Variants in PSME1 observed in about 807,000 individuals in gnomAD.
PSME1 encodes proteasome activator subunit 1.
A neutral mutation model predicts 38.4 loss-of-function variants in PSME1; 15 were observed. That is an observed-to-expected ratio of 0.39 (90% CI 0.26 to 0.60). The LOEUF (loss-of-function observed/expected upper bound fraction) is 0.60. PSME1 is among the 20% of genes least tolerant of loss of function. The pLI, the probability that PSME1 is intolerant of heterozygous loss-of-function variation, is 0.53. For synonymous variants in PSME1, 106 were observed against 106.8 expected (o/e 0.99, Z 0.05); for missense variants, 249 against 305.6 (o/e 0.81, Z 1.38).
chr14:24,136,913 A>C lies in PSME1; in HGVS notation c.40-72A>C, dbSNP rs1253827990. On this transcript the variant is annotated intron_variant, in intron 1 of 10. Transcript: ENST00000206451. The surrounding 1 kb of genome is among the most constrained non-coding windows in gnomAD (Gnocchi z 4.8). ...CCTTCCCCAGGTCAGGCCCTACATA[A>C]CCCTAAGGGAACTGTCCTCAAATGA... 10 of 1,590,534 alleles carry C rather than the reference A, an allele frequency of 6.3e-6. No individual in the cohort carries two copies. The highest frequency in any genetic ancestry group is 5.0e-5 in the Admixed American group (3 of 59,928).
chr14:24,138,348 T>C lies in PSME1; in HGVS notation c.531T>C (p.Tyr177=). The C allele has an allele frequency of 6.2e-7, 1 of 1,614,174 alleles. No homozygotes were observed. The highest frequency in any genetic ancestry group is 1.1e-5 in the South Asian group (1 of 91,082). ...ATACACACTTCTCCTTCCACAGGTA[T>C]TTCTCTGAGCGTGGTGATGCAGTGA... ...LEGFHTQISK[Y]FSERGDAVTK... The change falls in exon 9 of 11, where the codon TAT becomes TAC. Residue 177 remains tyrosine (Y), a synonymous_variant. Transcript: ENST00000206451.
rs775638988 is a variant in PSME1 at position 24,136,253 on chromosome 14, C to T, written c.-10C>T. 4 of 1,524,842 alleles carry T rather than the reference C, an allele frequency of 2.6e-6. No individual in the cohort carries two copies. The highest frequency in any genetic ancestry group is 2.1e-5 in the Admixed American group (1 of 48,088). The allele number at this position is 1,524,842 out of a possible 1,614,324, so 94.5% of individuals were successfully genotyped here. A position where few individuals can be genotyped will look rare whatever the true frequency, so the allele number is the denominator to read the frequency against. ...ACTCCTTGTGCGGCGCTAGGCCCCC[C>T]GTCCCGGTCATGGCCATGCTCAGGG... is the stretch of plus-strand genomic sequence containing the variant. On this transcript the variant is annotated 5_prime_UTR_variant, in exon 1 of 11. Transcript: ENST00000206451. The surrounding 1 kb of genome is among the most constrained non-coding windows in gnomAD (Gnocchi z 4.8).
intron 6 of PSME1, 80 bp from the exon 7 acceptor site, chr14:24,137,969 G>T: frequency 6.4e-7 from 1 of 1,558,982 alleles, no homozygotes; most frequent in Non-Finnish European, 8.8e-7. Flanking sequence ...CACCCAGTGT[G>T]GGGAGGGAAG....
In PSME1 at chr14:24,136,366, C is replaced by T. The variant is rs1252561283; in HGVS notation, c.39+65C>T. ...CGTGGCTGGAGCGGCCGGGGGCATC[C>T]CCGACCCGCCCCCCAGGCTCCCACG... On this transcript the variant is annotated intron_variant, in intron 1 of 10. Transcript: ENST00000206451. The surrounding 1 kb of genome is among the most constrained non-coding windows in gnomAD (Gnocchi z 4.8). 3 of 1,415,228 alleles carry T rather than the reference C, an allele frequency of 2.1e-6. No homozygotes were observed. The highest frequency in any genetic ancestry group is 2.8e-6 in the Non-Finnish European group (3 of 1,070,254). The allele number at this position is 1,415,228 out of a possible 1,614,324, so 87.7% of individuals were successfully genotyped here. A position where few individuals can be genotyped will look rare whatever the true frequency, so the allele number is the denominator to read the frequency against.
At chr14:24,138,001 G>C in intron 6 of PSME1, 48 bp from the exon 7 acceptor site, 1 of 1,601,906 alleles carries the variant, frequency 6.2e-7, no homozygotes, top group Non-Finnish European at 8.6e-7. Flanking sequence ...ATGAAACTGG[G>C]AATTGGGTAG....
chr14:24,136,295 A>G lies in PSME1; in HGVS notation c.33A>G (p.Gln11=). ...TGCTCAGGGTCCAGCCCGAGGCCCA[A>G]GCCAAGGTGAGCGCCGCGGGGTCTA... MAMLRVQPEA[Q]AKVDVFREDL... is the part of the protein sequence containing the mutation. The change falls in exon 1 of 11, where the codon CAA becomes CAG. Residue 11 remains glutamine (Q), a synonymous_variant. Transcript: ENST00000206451. This position sits in a 1 kb window ranked among gnomAD's most constrained non-coding sequence, Gnocchi z 4.8. 2.0e-6 allele frequency: 3 copies of G among 1,526,722 alleles called. No homozygotes were observed. Among genetic ancestry groups the G allele is most frequent in the Non-Finnish European group, 1.8e-6 (2 of 1,138,294 alleles). The allele number at this position is 1,526,722 out of a possible 1,614,324, so 94.6% of individuals were successfully genotyped here. A position where few individuals can be genotyped will look rare whatever the true frequency, so the allele number is the denominator to read the frequency against.
rs1457272963 is a variant in PSME1, at chr14:24,136,874, G to A, written c.40-111G>A. The A allele has an allele frequency of 1.6e-5, 21 of 1,342,658 alleles. No homozygotes were observed. Among genetic ancestry groups the A allele is most frequent in the Non-Finnish European group, 2.1e-5 (20 of 941,182 alleles). 83.2% of individuals were successfully genotyped at this position (1,342,658 alleles called of 1,614,324 possible). The stretch of plus-strand genomic sequence containing the variant: ...CGCTTTCTTCAGGTCTGGCCTTAGA[G>A]GGATCCCCTCCACCCTTCCCCAGGT... On this transcript the variant is annotated intron_variant, in intron 1 of 10. Coordinates refer to ENST00000206451, the MANE Select transcript of PSME1 (RefSeq NM_006263.4). This position sits in a 1 kb window ranked among gnomAD's most constrained non-coding sequence, Gnocchi z 4.8.
In PSME1 at chr14:24,136,232, C is replaced by T. The variant is rs1349195368; in HGVS notation, c.-31C>T. 3.3e-6 allele frequency: 5 copies of T among 1,518,016 alleles called. No homozygotes were observed. Among genetic ancestry groups the T allele is most frequent in the Admixed American group, 2.1e-5 (1 of 47,152 alleles). 94.0% of individuals were successfully genotyped at this position (1,518,016 alleles called of 1,614,324 possible). ...TCCCTTCGCGGTGCCCACTCCACTCCTTGTGCGGCGCTAGGCCCCCCGTCC... is the reference window on the plus strand; with the variant it reads ...TCCCTTCGCGGTGCCCACTCCACTCTTTGTGCGGCGCTAGGCCCCCCGTCC... On this transcript the variant is annotated 5_prime_UTR_variant, in exon 1 of 11. Transcript: ENST00000206451. This position sits in a 1 kb window ranked among gnomAD's most constrained non-coding sequence, Gnocchi z 4.8.
Position 24,138,887 on chromosome 14 carries a change from T to C in PSME1, c.*71T>C. 1 of 1,592,348 alleles carries C rather than the reference T, an allele frequency of 6.3e-7. No homozygotes were observed. The highest frequency in any genetic ancestry group is 8.6e-7 in the Non-Finnish European group (1 of 1,166,592). On this transcript the variant is annotated 3_prime_UTR_variant, in exon 11 of 11. Coordinates refer to ENST00000206451, the MANE Select transcript of PSME1 (RefSeq NM_006263.4). ...GCTTTTTACTGGGGACTCCAGATTT[T>C]CCCCAAACTTGCTTCTGTTGAGATT...
At position 24,138,918 on chromosome 14, in the gene PSME1, C is replaced by T. The variant is rs1455154291; in HGVS notation, c.*102C>T. 1 of 1,590,576 alleles carries T rather than the reference C, an allele frequency of 6.3e-7. No individual in the cohort carries two copies. Among genetic ancestry groups the T allele is most frequent in the African/African-American group, 1.4e-5 (1 of 73,940 alleles). ...AACTTGCTTCTGTTGAGATTTTTCC[C>T]TCACCTTGCCTCTCAGGCACAATAA... On this transcript the variant is annotated 3_prime_UTR_variant, in exon 11 of 11. Transcript: ENST00000206451.
chr14:24,138,637 GGGGTTAAGGGT>G, intron 10 of PSME1, 77 bp downstream of exon 10: 1 of 1,613,320 alleles, frequency 6.2e-7, no homozygotes, highest in East Asian at 2.2e-5. Context: ...CTGCAGGCTA[GGGGTTAAGGGT>G]GACAAAGCTC....
chr14:24,137,802 G>A lies in PSME1; in HGVS notation c.390+5G>A. On this transcript the variant is annotated splice_donor_5th_base_variant and intron_variant, in intron 6 of 10. Coordinates refer to ENST00000206451, the MANE Select transcript of PSME1 (RefSeq NM_006263.4). ...GTCATTGAGCAGCTCAACCTGGTAA[G>A]CCCTCCCCCTTAAACTCTCAGGCTT... 6.2e-7 allele frequency: 1 copy of A among 1,613,304 alleles called. No individual in the cohort carries two copies. The highest frequency in any genetic ancestry group is 8.5e-7 in the Non-Finnish European group (1 of 1,179,218).
rs1426994126 is a variant in PSME1 at position 24,138,961 on chromosome 14, C to T, written c.*145C>T. The T allele has an allele frequency of 1.2e-6, 2 of 1,604,674 alleles. No homozygotes were observed. The highest frequency in any genetic ancestry group is 2.1e-4 in the Middle Eastern group (1 of 4,660). ...CACAATAAATATAGTTATACCACTGCCCATCAGCCCAAGTCTCTTTATTGG... is the reference window on the plus strand; with the variant it reads ...CACAATAAATATAGTTATACCACTGTCCATCAGCCCAAGTCTCTTTATTGG... On this transcript the variant is annotated 3_prime_UTR_variant, in exon 11 of 11. Transcript: ENST00000206451.
intron 2 of PSME1, 40 bp from the exon 3 acceptor site, chr14:24,137,103 T>C (rs958727924): frequency 6.2e-7 from 1 of 1,613,906 alleles, no homozygotes; most frequent in Non-Finnish European, 8.5e-7. Flanking sequence ...GGGCATTTGA[T>C]GCTGACTCCC....
chr14:24,137,889 G>C (rs1355984469), intron 6 of PSME1, 92 bp downstream of exon 6: 25 of 1,513,372 alleles, frequency 1.7e-5, no homozygotes, highest in Middle Eastern at 1.8e-4. Context: ...CCAGGTTTTA[G>C]CAAGAGAGGG....
rs908516873 is a variant in PSME1, at chr14:24,136,813, C to CT, written c.40-171dup. ...ATCCAGGTCTGCAGAGATCCACCTTCTCCACCACCCCAACCCACCCTACAG... is the reference window on the plus strand; with the variant it reads ...ATCCAGGTCTGCAGAGATCCACCTTCTTCCACCACCCCAACCCACCCTACAG... On this transcript the variant is annotated intron_variant, in intron 1 of 10. Transcript: ENST00000206451. The surrounding 1 kb of genome is among the most constrained non-coding windows in gnomAD (Gnocchi z 4.8). 3 of 725,574 alleles carry CT rather than the reference C, an allele frequency of 4.1e-6. No individual in the cohort carries two copies. The highest frequency in any genetic ancestry group is 7.3e-6 in the Non-Finnish European group (3 of 410,826). 44.9% of individuals were successfully genotyped at this position (725,574 alleles called of 1,614,324 possible). A position where few individuals can be genotyped will look rare whatever the true frequency, so the allele number is the denominator to read the frequency against.
chr14:24,136,361 G>T lies in PSME1; in HGVS notation c.39+60G>T, dbSNP rs752762329. On this transcript the variant is annotated intron_variant, in intron 1 of 10. Transcript: ENST00000206451. This position sits in a 1 kb window ranked among gnomAD's most constrained non-coding sequence, Gnocchi z 4.8. ...GGAGGCGTGGCTGGAGCGGCCGGGGGCATCCCCGACCCGCCCCCCAGGCTC... is the reference window on the plus strand; with the variant it reads ...GGAGGCGTGGCTGGAGCGGCCGGGGTCATCCCCGACCCGCCCCCCAGGCTC... The T allele has an allele frequency of 1.4e-6, 2 of 1,451,582 alleles. No homozygotes were observed. Among genetic ancestry groups the T allele is most frequent in the African/African-American group, 1.5e-5 (1 of 67,372 alleles). The allele number at this position is 1,451,582 out of a possible 1,614,324, so 89.9% of individuals were successfully genotyped here.
At position 24,137,007 on chromosome 14, in the gene PSME1, T is replaced by G. The variant is rs2037914262; in HGVS notation, c.62T>G (p.Leu21Arg). 13 of 1,614,058 alleles carry G rather than the reference T, an allele frequency of 8.1e-6. No homozygotes were observed. The highest frequency in any genetic ancestry group is 1.1e-5 in the Non-Finnish European group (13 of 1,180,044). The change falls in exon 2 of 11, where the codon CTC becomes CGC. Residue 21 changes from leucine (L) to arginine (R), a missense_variant. Transcript: ENST00000206451. The stretch of plus-strand genomic sequence containing the variant: ...CAGGTGGATGTGTTTCGTGAAGACC[T>G]CTGTACCAAGGTAAGACATGCCCCA... ...QAKVDVFRED[L>R]CTKTENLLGS...
chr14:24,138,959 T>G lies in PSME1; in HGVS notation c.*143T>G. ...GGCACAATAAATATAGTTATACCAC[T>G]GCCCATCAGCCCAAGTCTCTTTATT... On this transcript the variant is annotated 3_prime_UTR_variant, in exon 11 of 11. Coordinates refer to ENST00000206451, the MANE Select transcript of PSME1 (RefSeq NM_006263.4). 1 of 1,605,516 alleles carries G rather than the reference T, an allele frequency of 6.2e-7. No individual in the cohort carries two copies. The highest frequency in any genetic ancestry group is 8.5e-7 in the Non-Finnish European group (1 of 1,174,918).
Sources: gnomAD v4.1 joint callset for allele counts on GRCh38, gnomAD v4.1.1 for gene constraint, Gnocchi (gnomAD v3.1) non-coding constraint, MANE v1.5 for transcripts, NCBI Gene and HGNC (gene_info 2026-07-23, HGNC 2026-07-21) for gene names.